CREB5: variants seen among roughly 807,000 people sequenced by gnomAD.
The protein encoded by CREB5 is cAMP responsive element binding protein 5.
Under a neutral mutation model 57.1 loss-of-function variants are expected in CREB5, and 19 were observed. The observed-to-expected ratio is 0.33, with a 90% CI of 0.23 to 0.49. CREB5 has a LOEUF of 0.49. CREB5 is among the 20% of genes least tolerant of loss of function. The pLI is 0.99. For synonymous variants in CREB5, 238 were observed against 238.3 expected (o/e 1.00, Z 0.01); for missense variants, 579 against 671.6 (o/e 0.86, Z 1.52).
At chr7:28,325,809 A>G (rs993764765) in intron 1 of CREB5, among the ~76,000 whole-genome samples, 1 of 152,192 alleles carries the variant, frequency 6.6e-6, no homozygotes, top group Admixed American at 6.5e-5. Flanking sequence ...TTATGTAGCA[A>G]TGAATTCCTG....
At chr7:28,523,253 C>T (rs973949371) in intron 4 of CREB5, among the ~76,000 whole-genome samples, 3 of 152,050 alleles carry the variant, frequency 2.0e-5, no homozygotes, top group Non-Finnish European at 2.9e-5. Context: ...GTATATAAGC[C>T]GTGCTATGTA....
intron 2 of CREB5, chr7:28,491,176 T>C: frequency 2.0e-6 from 2 of 984,226 alleles, no homozygotes; most frequent in Non-Finnish European, 1.2e-6. Flanking sequence ...GATATAACGG[T>C]AGCCTGAGAA....
At chr7:28,610,282 G>T (rs1242994805) in intron 5 of CREB5, among the ~76,000 whole-genome samples, 1 of 152,120 alleles carries the variant, frequency 6.6e-6, no homozygotes, top group Non-Finnish European at 1.5e-5. Flanking sequence ...GGCGGTGAAA[G>T]GTGTGCTCAG....
chr7:28,814,660 TA>T lies in CREB5; in HGVS notation c.1255-3402del, dbSNP rs527729551. 2.1e-3 allele frequency among the ~76,000 whole-genome samples: 314 copies of T among 151,788 alleles called. 3 individuals are homozygous for T. The highest frequency in any genetic ancestry group is 3.4e-3 in the Middle Eastern group (1 of 294). ...AGGTGACACAGAATTGCTTGTAGAA[TA>T]AAAAAAAATTCTTTCTGGAAGGAAC... is the stretch of plus-strand genomic sequence containing the variant. On this transcript the variant is annotated intron_variant, in intron 9 of 10. Coordinates refer to ENST00000357727, the MANE Select transcript of CREB5 (RefSeq NM_182898.4).
In CREB5 at chr7:28,592,601, C is replaced by T. The variant is rs188308577; in HGVS notation, c.464+22064C>T. On this transcript the variant is annotated intron_variant, in intron 5 of 10. Transcript: ENST00000357727. Reference sequence around the variant, plus strand: ...GGATGGTTAGCTCAGTGGGCAGAGGCGCAGCACTAAGTTTGCAGAGGTCAA... The same window carrying T: ...GGATGGTTAGCTCAGTGGGCAGAGGTGCAGCACTAAGTTTGCAGAGGTCAA... Among the ~76,000 whole-genome samples the T allele has an allele frequency of 9.2e-5, 14 of 152,164 alleles. 1 individual carries two copies. The East Asian group carries it at 9.7e-4, about 10-fold the overall frequency.
chr7:28,556,931 TTC>T (rs2128637069), intron 4 of CREB5, among the ~76,000 whole-genome samples: 1 of 152,278 alleles, frequency 6.6e-6, no homozygotes, highest in East Asian at 1.9e-4. Flanking sequence ...CCCCACATGG[TTC>T]TCTCTTCTTC....
intron 5 of CREB5, among the ~76,000 whole-genome samples, chr7:28,683,409 T>C (rs553046420): frequency 2.2e-4 from 33 of 152,318 alleles, no homozygotes; most frequent in African/African-American, 7.2e-4. Context: ...AATGTAAATA[T>C]GCAGACCTTT....
intron 1 of CREB5, among the ~76,000 whole-genome samples, chr7:28,486,248 A>C (rs1477483373): frequency 6.6e-6 from 1 of 152,192 alleles, no homozygotes; most frequent in East Asian, 1.9e-4. Context: ...TTTGTGCTTC[A>C]GAAAAGTGAA....
intron 5 of CREB5, among the ~76,000 whole-genome samples, chr7:28,659,397 G>A (rs1383084106): frequency 6.6e-6 from 1 of 152,176 alleles, no homozygotes; most frequent in Non-Finnish European, 1.5e-5. Context: ...AGTTTAAAGT[G>A]TGAGCTACAG....
intron 1 of CREB5, among the ~76,000 whole-genome samples, chr7:28,463,980 C>G (rs546556332): frequency 6.6e-6 from 1 of 152,122 alleles, no homozygotes; most frequent in East Asian, 1.9e-4. Flanking sequence ...GAGCTAATAT[C>G]TTTCTCTTAT....
intron 5 of CREB5, among the ~76,000 whole-genome samples, chr7:28,654,316 A>G (rs9655280): frequency 0.2 from 30,266 of 152,172 alleles, 3,130 homozygotes; most frequent in South Asian, 0.3. Flanking sequence ...CTGGGCTCCT[A>G]ACTGAGCTGC....
At chr7:28,299,788 T>G (rs1482256145) in intron 1 of CREB5, among the ~76,000 whole-genome samples, 1 of 152,250 alleles carries the variant, frequency 6.6e-6, no homozygotes, top group Non-Finnish European at 1.5e-5. Flanking sequence ...AGATATATTT[T>G]GCAATGCTGC....
At chr7:28,697,019 T>G (rs983858811) in intron 5 of CREB5, among the ~76,000 whole-genome samples, 1 of 151,984 alleles carries the variant, frequency 6.6e-6, no homozygotes, top group Non-Finnish European at 1.5e-5. Flanking sequence ...GTGTATATAT[T>G]TATATACACA....
chr7:28,331,779 G>A (rs772802500), intron 1 of CREB5, among the ~76,000 whole-genome samples: 2 of 151,280 alleles, frequency 1.3e-5, no homozygotes, highest in Non-Finnish European at 2.9e-5. Flanking sequence ...AACCCAGGAG[G>A]TGGAGGTTGC....
chr7:28,768,067 C>T (rs1195733864), intron 7 of CREB5, among the ~76,000 whole-genome samples: 2 of 152,100 alleles, frequency 1.3e-5, no homozygotes, highest in Non-Finnish European at 2.9e-5. Context: ...CATATTTTAG[C>T]CCTATTTGGC....
At chr7:28,384,668 GAGA>G (rs758802994) in intron 1 of CREB5, among the ~76,000 whole-genome samples, 4 of 151,802 alleles carry the variant, frequency 2.6e-5, no homozygotes, top group Non-Finnish European at 2.9e-5. Flanking sequence ...GATGCAGTCA[GAGA>G]AGGAGACAAG....
chr7:28,642,777 C>T (rs1160838701), intron 5 of CREB5, among the ~76,000 whole-genome samples: 4 of 152,056 alleles, frequency 2.6e-5, no homozygotes, highest in African/African-American at 4.8e-5. Flanking sequence ...ACTAAACTGT[C>T]CATCGTGAAT....
upstream of CREB5, among the ~76,000 whole-genome samples, chr7:28,411,532 A>C (rs1406131925): frequency 7.5e-6 from 1 of 133,672 alleles, no homozygotes; most frequent in Admixed American, 7.6e-5. Flanking sequence ...GCAAGGGATC[A>C]AAGTAAAAAG....
rs530060955 is a variant in CREB5 at position 28,822,070 on chromosome 7, G to A, written c.*2791G>A. 2.0e-5 allele frequency: 3 copies of A among 152,544 alleles called. No homozygotes were observed. In the South Asian group the frequency reaches 6.2e-4, roughly 32 times the overall value. 9.4% of individuals were successfully genotyped at this position (152,544 alleles called of 1,614,324 possible). A position where few individuals can be genotyped will look rare whatever the true frequency, so the allele number is the denominator to read the frequency against. On this transcript the variant is annotated 3_prime_UTR_variant, in exon 11 of 11. Transcript: ENST00000357727. ...TCAGCAACTTGACAGTTTGACTGAT[G>A]TGCATTATATATAGCTCAATTATGT...
Sources: gnomAD v4.1 joint callset for allele counts (sites outside exome capture counted in the v4.1 genomes callset) on GRCh38, gnomAD v4.1.1 for gene constraint, MANE v1.5 for transcripts, NCBI Gene and HGNC (gene_info 2026-07-23, HGNC 2026-07-21) for gene names.